The following ZNF407 variants were observed in gnomAD, a reference collection of about 807,000 sequenced individuals.
ZNF407 encodes the protein zinc finger protein 407.
ZNF407 carries 17 observed loss-of-function variants against 131.2 expected under a neutral mutation model. That is an observed-to-expected ratio of 0.13 (90% CI 0.09 to 0.19). The LOEUF (loss-of-function observed/expected upper bound fraction) is 0.19. Ranked by LOEUF, ZNF407 falls within the 10% of genes least tolerant of loss-of-function variation. The pLI is 1.00. For synonymous variants in ZNF407, 1,156 were observed against 1,062.0 expected (o/e 1.09, Z -1.72); for missense variants, 2,681 against 2,830.6 (o/e 0.95, Z 1.20).
intron 3 of ZNF407, among the ~76,000 whole-genome samples, chr18:74,755,576 TTTCTGG>T (rs1968915769): frequency 5.6e-5 from 1 of 17,888 alleles, no homozygotes; most frequent in African/African-American, 1.5e-4. Flanking sequence ...TCCTTCCTCC[TTTCTGG>T]TTTTTTTTTT....
At chr18:74,793,256 G>T (rs979499643) in intron 4 of ZNF407, among the ~76,000 whole-genome samples, 8 of 152,018 alleles carry the variant, frequency 5.3e-5, no homozygotes, top group Admixed American at 2.0e-4. Context: ...CAAATATTTT[G>T]GATATAATCA....
chr18:74,857,769 C>G (rs998972679), intron 4 of ZNF407, among the ~76,000 whole-genome samples: 1 of 151,740 alleles, frequency 6.6e-6, no homozygotes, highest in Non-Finnish European at 1.5e-5. Flanking sequence ...TGTCCATGTA[C>G]TTTTATTGTT....
At chr18:74,916,481 AGT>A (rs752881660) in intron 7 of ZNF407, among the ~76,000 whole-genome samples, 193 of 78,720 alleles carry the variant, frequency 2.5e-3, no homozygotes, top group South Asian at 3.8e-3. Context: ...TCGAATTGGG[AGT>A]GTGTGTGTGT....
intron 4 of ZNF407, among the ~76,000 whole-genome samples, chr18:74,876,806 C>T (rs1971163324): frequency 6.6e-6 from 1 of 152,300 alleles, no homozygotes; most frequent in Middle Eastern, 3.4e-3. Flanking sequence ...CCGTACAAGC[C>T]GCACACCAGC....
rs1313006339 is a variant in ZNF407 at position 74,633,400 on chromosome 18, A to G, written c.2381A>G (p.Asn794Ser). ...DKKEEFDVSG[N>S]GRIEGHIGVQ... is the part of the protein sequence containing the mutation. ...AAAGAAGAGTTTGATGTTTCCGGAA[A>G]TGGAAGGATTGAAGGCCATATAGGT... Residue 794 changes from asparagine (N) to serine (S), a missense_variant, in exon 2 of 9, where the codon AAT becomes AGT. Physicochemically the swap from Asn to Ser is conservative, Grantham distance 46 (BLOSUM62 1). Transcript: ENST00000299687. 7 of 1,613,914 alleles carry G rather than the reference A, an allele frequency of 4.3e-6. No homozygotes were observed. In the South Asian group the frequency reaches 5.5e-5, roughly 13 times the overall value.
intron 3 of ZNF407, among the ~76,000 whole-genome samples, chr18:74,716,307 A>T (rs1967892945): frequency 6.6e-6 from 1 of 152,164 alleles, no homozygotes; most frequent in African/African-American, 2.4e-5. Context: ...TAGGTGGTTT[A>T]TGTTTTAACA....
chr18:74,647,096 G>A lies in ZNF407; in HGVS notation c.4802+5974G>A, dbSNP rs141715809. On this transcript the variant is annotated intron_variant, in intron 3 of 8. Transcript: ENST00000299687. ...CAATCATGTTCTAGTGACTTAACTCGTTGCTTCTTCTTCTTCTTTTTTTTT... is the reference window on the plus strand; with the variant it reads ...CAATCATGTTCTAGTGACTTAACTCATTGCTTCTTCTTCTTCTTTTTTTTT... 2.0e-3 allele frequency among the ~76,000 whole-genome samples: 308 copies of A among 152,018 alleles called. 5 individuals carry two copies. The highest frequency in any genetic ancestry group is 6.3e-3 in the African/African-American group (260 of 41,440).
At chr18:74,886,420 G>GATGAGGAAATAT (rs71170329) in intron 6 of ZNF407, among the ~76,000 whole-genome samples, 148,864 of 152,196 alleles carry the variant, frequency 0.98, 72,900 homozygotes, top group East Asian at 1. Flanking sequence ...TTACCCAAGG[G>GATGAGGAAATAT]ATGTTCATAT....
intron 3 of ZNF407, among the ~76,000 whole-genome samples, chr18:74,752,141 T>G (rs1968819845): frequency 6.6e-6 from 1 of 152,246 alleles, no homozygotes; most frequent in African/African-American, 2.4e-5. Context: ...GAGCATTTTT[T>G]CATGTGTCTG....
At chr18:74,734,072 G>A (rs1459210003) in intron 3 of ZNF407, among the ~76,000 whole-genome samples, 1 of 152,156 alleles carries the variant, frequency 6.6e-6, no homozygotes, top group Non-Finnish European at 1.5e-5. Flanking sequence ...TCTGACAAGA[G>A]TGAAAAGAAC....
intron 3 of ZNF407, among the ~76,000 whole-genome samples, chr18:74,692,361 C>T (rs991853614): frequency 2.0e-5 from 3 of 152,022 alleles, no homozygotes; most frequent in African/African-American, 7.2e-5. Context: ...CTGTTTTTCT[C>T]CGTGTTATTG....
chr18:74,777,751 C>CTCTCTCAT lies in ZNF407; in HGVS notation c.4803-3677_4803-3676insTCTCTCAT, dbSNP rs57785452. Among the ~76,000 whole-genome samples, 241 of 150,594 alleles carry CTCTCTCAT rather than the reference C, an allele frequency of 1.6e-3. 2 individuals carry two copies. The highest frequency in any genetic ancestry group is 5.4e-3 in the South Asian group (26 of 4,786). Reference sequence around the variant, plus strand: ...TCGCACTCTCTCTCTCTCTCTCTCTCATTCACTCAAAACAGAGCAGACAGG... The same window carrying CTCTCTCAT: ...TCGCACTCTCTCTCTCTCTCTCTCTCTCTCTCATATTCACTCAAAACAGAGCAGACAGG... On this transcript the variant is annotated intron_variant, in intron 3 of 8. Transcript: ENST00000299687.
chr18:74,637,465 A>C (rs1839023752), intron 2 of ZNF407, among the ~76,000 whole-genome samples: 1 of 151,982 alleles, frequency 6.6e-6, no homozygotes, highest in Admixed American at 6.5e-5. Context: ...AAGTTACATC[A>C]TTGATTGTAA....
At chr18:75,005,224 C>T (rs188550966) in intron 8 of ZNF407, among the ~76,000 whole-genome samples, 174 of 152,242 alleles carry the variant, frequency 1.1e-3, no homozygotes, top group East Asian at 3.1e-3. Flanking sequence ...AGAGGATTTA[C>T]GGGCAGTACA....
chr18:74,843,719 A>G (rs987691595), intron 4 of ZNF407, among the ~76,000 whole-genome samples: 4 of 152,164 alleles, frequency 2.6e-5, no homozygotes, highest in Non-Finnish European at 5.9e-5. Context: ...ATCTTGGTTT[A>G]TGCTAGAACT....
intron 8 of ZNF407, among the ~76,000 whole-genome samples, chr18:75,032,311 A>G (rs1386443426): frequency 2.0e-5 from 3 of 152,188 alleles, no homozygotes; most frequent in African/African-American, 7.2e-5. Context: ...ATAGTGTCGA[A>G]CTTGACACTC....
intron 3 of ZNF407, among the ~76,000 whole-genome samples, chr18:74,698,000 A>G (rs1277189242): frequency 1.3e-5 from 2 of 152,218 alleles, no homozygotes; most frequent in African/African-American, 2.4e-5. Context: ...ATTGTTTTTA[A>G]ATCAGTGGCA....
chr18:74,619,442 C>T (rs1013097045), intron 1 of ZNF407, among the ~76,000 whole-genome samples: 2,054 of 152,272 alleles, frequency 0.013, 16 homozygotes, highest in Non-Finnish European at 0.022. Flanking sequence ...TCTTTGCTTT[C>T]CTTGACATTC....
At chr18:75,038,186 C>T (rs1973331649) in intron 8 of ZNF407, among the ~76,000 whole-genome samples, 1 of 152,152 alleles carries the variant, frequency 6.6e-6, no homozygotes, top group East Asian at 1.9e-4. Flanking sequence ...GAAGAATTTC[C>T]AGAGTAACTT....
Sources: allele counts gnomAD v4.1 joint callset (sites outside exome capture counted in the v4.1 genomes callset), GRCh38; gene constraint gnomAD v4.1.1; transcripts MANE v1.5; gene names NCBI Gene and HGNC (gene_info 2026-07-23, HGNC 2026-07-21).